The following ADAM22 variants were observed in gnomAD, a reference collection of about 807,000 sequenced individuals.
ADAM22 encodes the protein disintegrin and metalloproteinase domain-containing protein 22.
Under a neutral mutation model 144.6 loss-of-function variants are expected in ADAM22, and 65 were observed. The ratio of observed to expected loss-of-function variants is 0.45; its 90% CI spans 0.37 to 0.55. ADAM22 has a LOEUF of 0.55. ADAM22 is among the 20% of genes least tolerant of loss of function. The pLI, the probability that ADAM22 is intolerant of heterozygous loss-of-function variation, is 0.00. For synonymous variants in ADAM22, 391 were observed against 412.6 expected (o/e 0.95, Z 0.63); for missense variants, 974 against 1,184.9 (o/e 0.82, Z 2.61).
chr7:88,000,850 G>A (rs1299292558), intron 3 of ADAM22, among the ~76,000 whole-genome samples: 2 of 152,116 alleles, frequency 1.3e-5, no homozygotes, highest in African/African-American at 4.8e-5. Context: ...TATATGCTAG[G>A]AAGTAAAGAA....
chr7:88,161,193 G>GAAAAAAAAAAAAAAAAAAA (rs34723283), intron 22 of ADAM22, among the ~76,000 whole-genome samples: 1 of 136,960 alleles, frequency 7.3e-6, no homozygotes. Context: ...AACATATTTG[G>GAAAAAAAAAAAAAAAAAAA]AAAAAAAAAA....
chr7:88,076,037 A>G (rs1814371638), intron 4 of ADAM22, among the ~76,000 whole-genome samples: 1 of 152,052 alleles, frequency 6.6e-6, no homozygotes, highest in South Asian at 2.1e-4. Context: ...TTTTTGAGAC[A>G]AAGTCTCGCT....
At chr7:88,049,251 A>C (rs1281806567) in intron 3 of ADAM22, among the ~76,000 whole-genome samples, 1 of 152,182 alleles carries the variant, frequency 6.6e-6, no homozygotes, top group East Asian at 1.9e-4. Context: ...TAAAATGGGG[A>C]GTTAGAATAT....
chr7:88,165,690 GTAAT>G, intron 23 of ADAM22, 138 bp from the exon 24 acceptor site: 1 of 445,946 alleles, frequency 2.2e-6, no homozygotes, highest in Admixed American at 4.2e-5. Flanking sequence ...GAGAAATAAT[GTAAT>G]TAGTATTAAG....
At chr7:88,175,879 G>A (rs1417984291) in intron 26 of ADAM22, among the ~76,000 whole-genome samples, 1 of 152,142 alleles carries the variant, frequency 6.6e-6, no homozygotes, top group African/African-American at 2.4e-5. Context: ...GTTAAAGCAA[G>A]AAGAATTAGC....
intron 3 of ADAM22, among the ~76,000 whole-genome samples, chr7:88,074,693 A>C (rs1813743117): frequency 6.6e-6 from 1 of 152,244 alleles, no homozygotes; most frequent in Non-Finnish European, 1.5e-5. Context: ...ATAGTAATAT[A>C]AGTGTCAGAT....
intron 4 of ADAM22, among the ~76,000 whole-genome samples, chr7:88,105,283 C>T (rs1824058011): frequency 6.6e-6 from 1 of 152,108 alleles, no homozygotes; most frequent in South Asian, 2.1e-4. Flanking sequence ...CTATGAGGCT[C>T]AGACTTCTAA....
At chr7:88,120,090 A>C (rs900393510) in intron 7 of ADAM22, among the ~76,000 whole-genome samples, 1 of 152,026 alleles carries the variant, frequency 6.6e-6, no homozygotes, top group Non-Finnish European at 1.5e-5. Context: ...GTGGGATTGG[A>C]GAATTTGTAT....
At chr7:88,074,537 TCCTG>T (rs1813692869) in intron 3 of ADAM22, among the ~76,000 whole-genome samples, 6 of 152,244 alleles carry the variant, frequency 3.9e-5, no homozygotes, top group African/African-American at 1.2e-4. Context: ...ATGATAAATG[TCCTG>T]ATTGTTTAAT....
chr7:87,979,162 C>T (rs990642507), intron 3 of ADAM22, among the ~76,000 whole-genome samples: 2 of 152,102 alleles, frequency 1.3e-5, no homozygotes, highest in Non-Finnish European at 2.9e-5. Context: ...AGCATTTCTA[C>T]AACAGGAAGA....
chr7:88,074,319 C>T (rs1813621676), intron 3 of ADAM22, among the ~76,000 whole-genome samples: 1 of 152,186 alleles, frequency 6.6e-6, no homozygotes, highest in Non-Finnish European at 1.5e-5. Context: ...CCCTTTCTGT[C>T]AGTGTGTAAC....
intron 3 of ADAM22, among the ~76,000 whole-genome samples, chr7:88,017,813 G>GTGTGTGTATATATA (rs1796890025): frequency 6.6e-6 from 1 of 151,220 alleles, no homozygotes; most frequent in African/African-American, 2.4e-5. Context: ...GTATATATAT[G>GTGTGTGTATATATA]TGTGTGTGTG....
rs1850755727 is a variant in ADAM22, at chr7:88,197,054, TTTTTG to T, written c.*573_*577del. 6.6e-6 allele frequency: 1 copy of T among 152,382 alleles called. No individual in the cohort carries two copies. The highest frequency in any genetic ancestry group is 1.5e-5 in the Non-Finnish European group (1 of 68,160). The allele number at this position is 152,382 out of a possible 1,614,324, so 9.4% of individuals were successfully genotyped here. A position where few individuals can be genotyped will look rare whatever the true frequency, so the allele number is the denominator to read the frequency against. ...GGCTAACTTTAAACATGTATTTTTATTTTTGTTTTGTTTTTTACTTTTCATATTTA... is the reference window on the plus strand; with the variant it reads ...GGCTAACTTTAAACATGTATTTTTATTTTTGTTTTTTACTTTTCATATTTA... On this transcript the variant is annotated 3_prime_UTR_variant, in exon 32 of 32. Transcript: ENST00000413139.
At chr7:88,015,905 A>G (rs949626525) in intron 3 of ADAM22, among the ~76,000 whole-genome samples, 1 of 151,000 alleles carries the variant, frequency 6.6e-6, no homozygotes, top group Admixed American at 6.6e-5. Flanking sequence ...TTTGTGGTAC[A>G]CTTTTCCCAT....
chr7:88,040,071 T>C lies in ADAM22; in HGVS notation c.324-35555T>C. 1.3e-5 allele frequency among the ~76,000 whole-genome samples: 2 copies of C among 151,978 alleles called. 1 individual carries two copies. The highest frequency in any genetic ancestry group is 2.9e-5 in the Non-Finnish European group (2 of 67,922). ...TTCTCCCCACACCACCAGTTCCTAT[T>C]GCATCTTTCTCAAAGGGTCAGGATT... On this transcript the variant is annotated intron_variant, in intron 3 of 31. Coordinates refer to ENST00000413139, the MANE Select transcript of ADAM22 (RefSeq NM_001324418.2).
At chr7:87,956,164 A>G (rs886758982) in intron 2 of ADAM22, among the ~76,000 whole-genome samples, 2 of 152,054 alleles carry the variant, frequency 1.3e-5, no homozygotes, top group African/African-American at 2.4e-5. Flanking sequence ...GGCACTCCCT[A>G]GTGAGATGAA....
At chr7:87,974,625 A>G (rs1472069631) in intron 2 of ADAM22, among the ~76,000 whole-genome samples, 4 of 152,204 alleles carry the variant, frequency 2.6e-5, no homozygotes, top group South Asian at 4.1e-4. Context: ...CTGCTTTTCA[A>G]AATGTTCAGA....
chr7:87,980,050 G>A (rs1852927476), intron 3 of ADAM22, among the ~76,000 whole-genome samples: 1 of 152,110 alleles, frequency 6.6e-6, no homozygotes. Context: ...TTACTTTGGA[G>A]ACATCCGAGT....
chr7:88,043,879 T>G (rs982456586), intron 3 of ADAM22, among the ~76,000 whole-genome samples: 1 of 151,892 alleles, frequency 6.6e-6, no homozygotes, highest in East Asian at 1.9e-4. Context: ...TTGTGGAGAG[T>G]TTTTAATCAG....
Sources: gnomAD v4.1 joint callset for allele counts (sites outside exome capture counted in the v4.1 genomes callset) on GRCh38, gnomAD v4.1.1 for gene constraint, MANE v1.5 for transcripts, NCBI Gene and HGNC (gene_info 2026-07-23, HGNC 2026-07-21) for gene names.